TMEM121B: variants seen among roughly 807,000 people sequenced by gnomAD.
TMEM121B encodes the protein cat eye syndrome chromosome region, candidate 6.
TMEM121B carries 14 observed loss-of-function variants against 25.1 expected under a neutral mutation model. That is an observed-to-expected ratio of 0.56 (90% CI 0.37 to 0.87). TMEM121B has a LOEUF of 0.87. Ranked by LOEUF, TMEM121B falls within the 40% of genes least tolerant of loss-of-function variation. TMEM121B has a pLI of 0.00. For missense variants in TMEM121B, 850 were observed against 854.6 expected (o/e 0.99, Z 0.07); for synonymous variants, 458 against 420.9 (o/e 1.09, Z -1.08).
rs1414535971 is a variant in TMEM121B, at chr22:17,119,012, C to G, written c.*379G>C. The G allele has an allele frequency of 4.6e-6, 1 of 218,898 alleles. No homozygotes were observed. Among genetic ancestry groups the G allele is most frequent in the Non-Finnish European group, 9.0e-6 (1 of 111,512 alleles). 13.6% of individuals were successfully genotyped at this position (218,898 alleles called of 1,614,324 possible). ...ATTTCAAGGCATGGGACAATGGCCA[C>G]TAACCACAGCCTAAAAGAGGCTGGC... is the stretch of plus-strand genomic sequence containing the variant. On this transcript the variant is annotated 3_prime_UTR_variant, in exon 1 of 1. Transcript: ENST00000331437.
Position 17,120,791 on chromosome 22 carries a change from A to G in TMEM121B, c.337T>C (p.Phe113Leu). Residue 113 changes from phenylalanine to leucine, a missense_variant, in exon 1 of 1, where the codon TTC becomes CTC. Coordinates refer to ENST00000331437, the MANE Select transcript of TMEM121B (RefSeq NM_031890.4). The stretch of plus-strand genomic sequence containing the variant: ...GAGGAGGTGGCCGCTGAGGAGGAGA[A>G]GGCGACAGGCGCGGGGCCGGCGGGG... ...GAPAGPAPVA[F>L]SSSAATSSST... 8.1e-7 allele frequency: 1 copy of G among 1,233,332 alleles called. No homozygotes were observed. Among genetic ancestry groups the G allele is most frequent in the Non-Finnish European group, 1.0e-6 (1 of 988,822 alleles). The allele number at this position is 1,233,332 out of a possible 1,614,324, so 76.4% of individuals were successfully genotyped here. A position where few individuals can be genotyped will look rare whatever the true frequency, so the allele number is the denominator to read the frequency against.
At position 17,119,587 on chromosome 22, in the gene TMEM121B, G is replaced by A; in HGVS notation, c.1541C>T (p.Ala514Val). The A allele has an allele frequency of 6.5e-7, 1 of 1,547,944 alleles. No individual in the cohort carries two copies. Among genetic ancestry groups the A allele is most frequent in the Non-Finnish European group, 8.7e-7 (1 of 1,148,860 alleles). ...LFFLGCRGLE[A>V]LEGCWDRGNR... ...GCCCCGGTCCCAGCAGCCCTCCAGG[G>A]CCTCCAGGCCCCGGCAGCCGAGGAA... is the stretch of plus-strand genomic sequence containing the variant. The change falls in exon 1 of 1, where the codon GCC becomes GTC. Residue 514 changes from alanine (A) to valine (V), a missense_variant. Transcript: ENST00000331437.
chr22:17,120,273 C>T lies in TMEM121B; in HGVS notation c.855G>A (p.Gly285=). Residue 285 remains glycine (G), a synonymous_variant, in exon 1 of 1, where the codon GGG becomes GGA. Transcript: ENST00000331437. ...HLPAPSAATA[G]AKARGARGGA... ...CCCCGCGGGCTCCGCGTGCCTTGGC[C>T]CCAGCGGTAGCGGCCGAGGGGGCGG... is the stretch of plus-strand genomic sequence containing the variant. 1 of 1,279,036 alleles carries T rather than the reference C, an allele frequency of 7.8e-7. No individual in the cohort carries two copies. Among genetic ancestry groups the T allele is most frequent in the East Asian group, 3.1e-5 (1 of 31,992 alleles). The allele number at this position is 1,279,036 out of a possible 1,614,324, so 79.2% of individuals were successfully genotyped here.
Position 17,120,754 on chromosome 22 carries a change from G to C in TMEM121B, c.374C>G (p.Thr125Arg), listed in dbSNP as rs1311203979. The change falls in exon 1 of 1, where the codon ACG becomes AGG. Residue 125 changes from threonine (T) to arginine (R), a missense_variant. Physicochemically the swap from Thr to Arg is moderately conservative, Grantham distance 71. Transcript: ENST00000331437. ...SSAATSSSTS[T>R]PTSSCSMTAA... ...TGTCATGCTGCAGGAGGAGGTGGGC[G>C]TGGAGGTGGAGGAGGAGGTGGCCGC... is the stretch of plus-strand genomic sequence containing the variant. 1.6e-6 allele frequency: 2 copies of C among 1,215,692 alleles called. No individual in the cohort carries two copies. Among genetic ancestry groups the C allele is most frequent in the Non-Finnish European group, 2.0e-6 (2 of 978,220 alleles). 75.3% of individuals were successfully genotyped at this position (1,215,692 alleles called of 1,614,324 possible). A position where few individuals can be genotyped will look rare whatever the true frequency, so the allele number is the denominator to read the frequency against.
chr22:17,120,315 C>T lies in TMEM121B; in HGVS notation c.813G>A (p.Ala271=), dbSNP rs1255542085. ...AGGGGGCGGGCAGATGCAGGGGCGG[C>T]GCGGCGTGGTGGTGGTGCAGGTGGT... ...HNHHLHHHHA[A]PPLHLPAPSA... is the part of the protein sequence containing the mutation. The change falls in exon 1 of 1, where the codon GCG becomes GCA. Residue 271 remains alanine, a synonymous_variant. Coordinates refer to ENST00000331437, the MANE Select transcript of TMEM121B (RefSeq NM_031890.4). 7.6e-6 allele frequency: 11 copies of T among 1,452,870 alleles called. No individual in the cohort carries two copies. Among genetic ancestry groups the T allele is most frequent in the African/African-American group, 5.8e-5 (4 of 68,518 alleles). The allele number at this position is 1,452,870 out of a possible 1,614,324, so 90.0% of individuals were successfully genotyped here. A position where few individuals can be genotyped will look rare whatever the true frequency, so the allele number is the denominator to read the frequency against.
Position 17,121,134 on chromosome 22 carries a change from C to G in TMEM121B, c.-7G>C, listed in dbSNP as rs1322476282. ...GGCCGAGCGCCGGGCGCATTGTCCT[C>G]CGAGGGGCTCTGGGGCCGCCCAGCT... On this transcript the variant is annotated 5_prime_UTR_variant, in exon 1 of 1. Transcript: ENST00000331437. 3 of 1,338,276 alleles carry G rather than the reference C, an allele frequency of 2.2e-6. No individual in the cohort carries two copies. Among genetic ancestry groups the G allele is most frequent in the Non-Finnish European group, 2.9e-6 (3 of 1,043,218 alleles). 82.9% of individuals were successfully genotyped at this position (1,338,276 alleles called of 1,614,324 possible).
rs1187647921 is a variant in TMEM121B, at chr22:17,116,486, A to G, written c.*2905T>C. The G allele has an allele frequency of 6.6e-6, 1 of 152,248 alleles. No individual in the cohort carries two copies. Among genetic ancestry groups the G allele is most frequent in the East Asian group, 1.9e-4 (1 of 5,200 alleles). The allele number at this position is 152,248 out of a possible 1,614,324, so 9.4% of individuals were successfully genotyped here. A position where few individuals can be genotyped will look rare whatever the true frequency, so the allele number is the denominator to read the frequency against. On this transcript the variant is annotated 3_prime_UTR_variant, in exon 1 of 1. Coordinates refer to ENST00000331437, the MANE Select transcript of TMEM121B (RefSeq NM_031890.4). The stretch of plus-strand genomic sequence containing the variant: ...CATGTTAAAATGGAACAGTCTTTAG[A>G]GAGGGTCTAGTCTTTTTAAAATAAG...
rs1051632460 is a variant in TMEM121B at position 17,117,056 on chromosome 22, G to GC, written c.*2334dup. On this transcript the variant is annotated 3_prime_UTR_variant, in exon 1 of 1. Transcript: ENST00000331437. ...CAATAGAAGGGGGGCAGATCAGGGG[G>GC]CCAGCCAGCGGCTGGCCATGGCTCA... 2.6e-5 allele frequency: 4 copies of GC among 152,694 alleles called. No individual in the cohort carries two copies. The highest frequency in any genetic ancestry group is 9.6e-5 in the African/African-American group (4 of 41,462). 9.5% of individuals were successfully genotyped at this position (152,694 alleles called of 1,614,324 possible). A position where few individuals can be genotyped will look rare whatever the true frequency, so the allele number is the denominator to read the frequency against.
chr22:17,120,324 G>C lies in TMEM121B; in HGVS notation c.804C>G (p.His268Gln). Residue 268 changes from histidine (H) to glutamine (Q), a missense_variant, in exon 1 of 1, where the codon CAC becomes CAG. Coordinates refer to ENST00000331437, the MANE Select transcript of TMEM121B (RefSeq NM_031890.4). ...SGAHNHHLHH[H>Q]HAAPPLHLPA... is the part of the protein sequence containing the mutation. ...GCAGATGCAGGGGCGGCGCGGCGTG[G>C]TGGTGGTGCAGGTGGTGGTTGTGCG... is the stretch of plus-strand genomic sequence containing the variant. 1 of 1,481,154 alleles carries C rather than the reference G, an allele frequency of 6.8e-7. No individual in the cohort carries two copies. The highest frequency in any genetic ancestry group is 8.9e-7 in the Non-Finnish European group (1 of 1,119,412). 91.8% of individuals were successfully genotyped at this position (1,481,154 alleles called of 1,614,324 possible). A position where few individuals can be genotyped will look rare whatever the true frequency, so the allele number is the denominator to read the frequency against.
chr22:17,119,615 A>C lies in TMEM121B; in HGVS notation c.1513T>G (p.Phe505Val). 2.6e-6 allele frequency: 4 copies of C among 1,542,784 alleles called. No individual in the cohort carries two copies. Among genetic ancestry groups the C allele is most frequent in the Non-Finnish European group, 3.5e-6 (4 of 1,149,052 alleles). Residue 505 changes from phenylalanine to valine, a missense_variant, in exon 1 of 1, where the codon TTC (phenylalanine) becomes GTC (valine). Transcript: ENST00000331437. ...PLSIFMLKNL[F>V]FLGCRGLEAL... ...TCCAGGCCCCGGCAGCCGAGGAAGA[A>C]GAGGTTCTTGAGCATGAAGATGGAG...
chr22:17,120,840 C>A lies in TMEM121B; in HGVS notation c.288G>T (p.Leu96=). 7.0e-6 allele frequency: 9 copies of A among 1,290,780 alleles called. No homozygotes were observed. Among genetic ancestry groups the A allele is most frequent in the Middle Eastern group, 3.0e-4 (1 of 3,368 alleles). 80.0% of individuals were successfully genotyped at this position (1,290,780 alleles called of 1,614,324 possible). ...GGGCGCCCACCTGAGCCGGCGGCCCCAGGAGCGCGGCGTTGGGCACCAGCG... is the reference window on the plus strand; with the variant it reads ...GGGCGCCCACCTGAGCCGGCGGCCCAAGGAGCGCGGCGTTGGGCACCAGCG... ...SKPLVPNAAL[L]GPPAQVGAPA... The change falls in exon 1 of 1, where the codon CTG becomes CTT. Residue 96 remains leucine, a synonymous_variant. Transcript: ENST00000331437.
rs765592655 is a variant in TMEM121B, at chr22:17,119,797, T to A, written c.1331A>T (p.Tyr444Phe). Residue 444 changes from tyrosine to phenylalanine, a missense_variant, in exon 1 of 1, where the codon TAC becomes TTC. By Grantham distance (22) the Tyr-to-Phe change is conservative (BLOSUM62 3). Transcript: ENST00000331437. The part of the protein sequence containing the change: ...LTLASPVLWL[Y>F]ELNAAAAAAA... Reference sequence around the variant, plus strand: ...CGCTGCGGCCGCGGCGTTGAGCTCGTAGAGCCAGAGCACCGGCGAGGCGAG... The same window carrying A: ...CGCTGCGGCCGCGGCGTTGAGCTCGAAGAGCCAGAGCACCGGCGAGGCGAG... 1 of 1,585,486 alleles carries A rather than the reference T, an allele frequency of 6.3e-7. No individual in the cohort carries two copies. The highest frequency in any genetic ancestry group is 1.7e-5 in the Admixed American group (1 of 58,018).
In TMEM121B at chr22:17,121,024, C is replaced by A. The variant is rs1212405370; in HGVS notation, c.104G>T (p.Gly35Val). The A allele has an allele frequency of 3.2e-5, 47 of 1,468,542 alleles. No homozygotes were observed. Among genetic ancestry groups the A allele is most frequent in the Non-Finnish European group, 3.8e-5 (42 of 1,112,426 alleles). 91.0% of individuals were successfully genotyped at this position (1,468,542 alleles called of 1,614,324 possible). The change falls in exon 1 of 1, where the codon GGC becomes GTC. Residue 35 changes from glycine (G) to valine (V), a missense_variant. Gly to Val is a moderately radical substitution (Grantham distance 109, BLOSUM62 -3). Transcript: ENST00000331437. ...ARLQPLFLRG[G>V]SFRGRRGSGD... is the part of the protein sequence containing the mutation. ...GGAGCCTCTCCGGCCGCGGAAGGAG[C>A]CCCCGCGGAGGAAGAGGGGCTGCAG...
chr22:17,120,279 G>A lies in TMEM121B; in HGVS notation c.849C>T (p.Thr283=). ...GGGCTCCGCGTGCCTTGGCCCCAGC[G>A]GTAGCGGCCGAGGGGGCGGGCAGAT... The part of the protein sequence containing the change: ...PLHLPAPSAA[T]AGAKARGARG... The change falls in exon 1 of 1, where the codon ACC becomes ACT. Residue 283 remains threonine, a synonymous_variant. Transcript: ENST00000331437. The A allele has an allele frequency of 7.7e-7, 1 of 1,298,864 alleles. No individual in the cohort carries two copies. Among genetic ancestry groups the A allele is most frequent in the Non-Finnish European group, 9.7e-7 (1 of 1,027,274 alleles). 80.5% of individuals were successfully genotyped at this position (1,298,864 alleles called of 1,614,324 possible). A position where few individuals can be genotyped will look rare whatever the true frequency, so the allele number is the denominator to read the frequency against.
In TMEM121B at chr22:17,119,413, AGGG is replaced by A. The variant is rs772923323; in HGVS notation, c.1712_1714del (p.Thr571_Leu572delinsMet). The A allele has an allele frequency of 6.2e-7, 1 of 1,604,484 alleles. No individual in the cohort carries two copies. The highest frequency in any genetic ancestry group is 2.3e-5 in the East Asian group (1 of 44,286). The stretch of plus-strand genomic sequence containing the variant: ...CCCTCAATTCTGAGAGGCCACAGCC[AGGG>A]TGTTGACATAGCCATGAGCACCCCC... On this transcript the variant is annotated inframe_deletion, in exon 1 of 1. Coordinates refer to ENST00000331437, the MANE Select transcript of TMEM121B (RefSeq NM_031890.4).
chr22:17,119,336 A>G lies in TMEM121B; in HGVS notation c.*55T>C. The stretch of plus-strand genomic sequence containing the variant: ...TCAAATCTAGGTGACAGAAGGTAGA[A>G]GACAAGGGGGTTGGGGACTCTCAAC... On this transcript the variant is annotated 3_prime_UTR_variant, in exon 1 of 1. Coordinates refer to ENST00000331437, the MANE Select transcript of TMEM121B (RefSeq NM_031890.4). 1 of 1,527,822 alleles carries G rather than the reference A, an allele frequency of 6.5e-7. No homozygotes were observed. 94.6% of individuals were successfully genotyped at this position (1,527,822 alleles called of 1,614,324 possible). A position where few individuals can be genotyped will look rare whatever the true frequency, so the allele number is the denominator to read the frequency against.
Position 17,119,308 on chromosome 22 carries a change from T to C in TMEM121B, c.*83A>G, listed in dbSNP as rs898304783. On this transcript the variant is annotated 3_prime_UTR_variant, in exon 1 of 1. Coordinates refer to ENST00000331437, the MANE Select transcript of TMEM121B (RefSeq NM_031890.4). ...AGGGTTACCTCTTCCAAATAGACCC[T>C]GATCAAATCTAGGTGACAGAAGGTA... is the stretch of plus-strand genomic sequence containing the variant. 1 of 1,516,948 alleles carries C rather than the reference T, an allele frequency of 6.6e-7. No individual in the cohort carries two copies. The highest frequency in any genetic ancestry group is 8.8e-7 in the Non-Finnish European group (1 of 1,137,830). 94.0% of individuals were successfully genotyped at this position (1,516,948 alleles called of 1,614,324 possible).
At position 17,119,207 on chromosome 22, in the gene TMEM121B, C is replaced by T; in HGVS notation, c.*184G>A. The T allele has an allele frequency of 1.3e-6, 1 of 796,074 alleles. No individual in the cohort carries two copies. The highest frequency in any genetic ancestry group is 1.9e-6 in the Non-Finnish European group (1 of 517,752). 49.3% of individuals were successfully genotyped at this position (796,074 alleles called of 1,614,324 possible). A position where few individuals can be genotyped will look rare whatever the true frequency, so the allele number is the denominator to read the frequency against. On this transcript the variant is annotated 3_prime_UTR_variant, in exon 1 of 1. Transcript: ENST00000331437. ...AGGGTAAGTGCACCTACCTCCCTCACCGTTAACTGCTGGTCTCCCTCCAAG... is the reference window on the plus strand; with the variant it reads ...AGGGTAAGTGCACCTACCTCCCTCATCGTTAACTGCTGGTCTCCCTCCAAG...
In TMEM121B at chr22:17,120,809, C is replaced by T; in HGVS notation, c.319G>A (p.Gly107Ser). 8.0e-7 allele frequency: 1 copy of T among 1,242,534 alleles called. No homozygotes were observed. The highest frequency in any genetic ancestry group is 1.6e-5 in the African/African-American group (1 of 63,850). The allele number at this position is 1,242,534 out of a possible 1,614,324, so 77.0% of individuals were successfully genotyped here. ...GAGGAGAAGGCGACAGGCGCGGGGCCGGCGGGGGCGCCCACCTGAGCCGGC... is the reference window on the plus strand; with the variant it reads ...GAGGAGAAGGCGACAGGCGCGGGGCTGGCGGGGGCGCCCACCTGAGCCGGC... ...GPPAQVGAPA[G>S]PAPVAFSSSA... is the part of the protein sequence containing the mutation. The change falls in exon 1 of 1, where the codon GGC becomes AGC. Residue 107 changes from glycine to serine, a missense_variant. Transcript: ENST00000331437.
Sources: gnomAD v4.1 joint callset for allele counts on GRCh38, gnomAD v4.1.1 for gene constraint, MANE v1.5 for transcripts, NCBI Gene and HGNC (gene_info 2026-07-23, HGNC 2026-07-21) for gene names.